RASGEF1C: variants seen among roughly 807,000 people sequenced by gnomAD.
RASGEF1C encodes RasGEF domain family member 1C, also known as ras-GEF domain-containing family member 1C.
RASGEF1C carries 27 observed loss-of-function variants against 58.1 expected under a neutral mutation model. The observed-to-expected ratio is 0.46, with a 90% CI of 0.34 to 0.64. The LOEUF is 0.64. Ranked by LOEUF, RASGEF1C falls within the 30% of genes least tolerant of loss-of-function variation. The pLI is 0.01. For synonymous variants in RASGEF1C, 243 were observed against 246.3 expected (o/e 0.99, Z 0.13); for missense variants, 502 against 605.1 (o/e 0.83, Z 1.79).
intron 1 of RASGEF1C, among the ~76,000 whole-genome samples, chr5:180,201,223 G>C (rs549378813): frequency 6.6e-6 from 1 of 152,318 alleles, no homozygotes; most frequent in South Asian, 2.1e-4. Context: ...GGAGGTGGCT[G>C]TCTCAGGAAG....
chr5:180,173,307 C>G (rs1330673046), intron 1 of RASGEF1C, among the ~76,000 whole-genome samples: 1 of 152,178 alleles, frequency 6.6e-6, no homozygotes, highest in Non-Finnish European at 1.5e-5. Context: ...GGGATGCCAC[C>G]ACCTCACTGT....
intron 1 of RASGEF1C, among the ~76,000 whole-genome samples, chr5:180,191,610 C>T (rs928590868): frequency 1.3e-5 from 2 of 152,210 alleles, no homozygotes; most frequent in Non-Finnish European, 2.9e-5. Context: ...CCCGCCTCAG[C>T]CTCCCAAAGT....
intron 1 of RASGEF1C, among the ~76,000 whole-genome samples, chr5:180,142,600 G>A (rs1403752463): frequency 1.2e-4 from 18 of 152,158 alleles, no homozygotes; most frequent in South Asian, 2.1e-4. Context: ...GTGCACAGAC[G>A]CACTGGCGGA....
chr5:180,118,269 C>T (rs974624902), intron 10 of RASGEF1C, among the ~76,000 whole-genome samples: 50 of 152,106 alleles, frequency 3.3e-4, no homozygotes, highest in South Asian at 2.1e-4. Context: ...GGTCTGGGGC[C>T]GCTGACTCCG....
At chr5:180,141,587 T>C (rs563497604) in intron 1 of RASGEF1C, among the ~76,000 whole-genome samples, 2 of 152,188 alleles carry the variant, frequency 1.3e-5, no homozygotes, top group African/African-American at 2.4e-5. Context: ...GTGTCACTTG[T>C]GAAGAAGAAA....
chr5:180,145,344 C>T (rs927131073), intron 1 of RASGEF1C, among the ~76,000 whole-genome samples: 6 of 152,296 alleles, frequency 3.9e-5, no homozygotes, highest in Admixed American at 3.9e-4. Context: ...TGGTCTTAAA[C>T]TCCTGACCTT....
chr5:180,106,311 C>T (rs556139629), intron 12 of RASGEF1C, among the ~76,000 whole-genome samples: 1 of 152,144 alleles, frequency 6.6e-6, no homozygotes, highest in African/African-American at 2.4e-5. Flanking sequence ...CTCTTATTTC[C>T]ATCCTGCTGC....
chr5:180,124,434 A>G (rs1366233873), intron 6 of RASGEF1C, among the ~76,000 whole-genome samples: 1 of 152,192 alleles, frequency 6.6e-6, no homozygotes, highest in Non-Finnish European at 1.5e-5. Context: ...GAAATCCTAA[A>G]ACATTAGCAA....
At chr5:180,116,499 T>A (rs147243597) in intron 10 of RASGEF1C, among the ~76,000 whole-genome samples, 2 of 152,108 alleles carry the variant, frequency 1.3e-5, no homozygotes, top group East Asian at 3.9e-4. Flanking sequence ...GCAGCTTTTG[T>A]GGGCCTAGCC....
At chr5:180,204,413 C>G (rs975493440) in intron 1 of RASGEF1C, among the ~76,000 whole-genome samples, 1 of 152,120 alleles carries the variant, frequency 6.6e-6, no homozygotes, top group Non-Finnish European at 1.5e-5. Context: ...CAAAGATGGC[C>G]TAGTGTTAAT....
chr5:180,128,368 C>T (rs1766299869), intron 5 of RASGEF1C, 42 bp downstream of exon 5: 1 of 1,558,422 alleles, frequency 6.4e-7, no homozygotes. Context: ...TGTGTGTGTC[C>T]TGCTGAATCC....
Position 180,113,227 on chromosome 5 carries a change from A to ATC in RASGEF1C, c.1179+1218_1179+1219insGA, listed in dbSNP as rs1318879865. Among the ~76,000 whole-genome samples, 22 of 79,328 alleles carry ATC rather than the reference A, an allele frequency of 2.8e-4. 3 individuals are homozygous for ATC. Among genetic ancestry groups the ATC allele is most frequent in the Non-Finnish European group, 3.5e-4 (13 of 36,620 alleles). The allele number at this position is 79,328 out of a possible 152,430, so 52.0% of individuals were successfully genotyped here. A position where few individuals can be genotyped will look rare whatever the true frequency, so the allele number is the denominator to read the frequency against. ...AGAGGGACCGGGGATGGACGGAGGG[A>ATC]CAGGGGATGGACGGAGGGACCGAGG... is the stretch of plus-strand genomic sequence containing the variant. On this transcript the variant is annotated intron_variant, in intron 11 of 13. Transcript: ENST00000361132.
rs571172119 is a variant in RASGEF1C, at chr5:180,193,308, G to C, written c.-7+15720C>G. 2.6e-3 allele frequency among the ~76,000 whole-genome samples: 399 copies of C among 151,724 alleles called. 2 individuals are homozygous for C. The highest frequency in any genetic ancestry group is 4.1e-3 in the Non-Finnish European group (281 of 67,904). On this transcript the variant is annotated intron_variant, in intron 1 of 13. Coordinates refer to ENST00000361132, the MANE Select transcript of RASGEF1C (RefSeq NM_175062.4). ...CTGACCTCGTGATCCGCCTGCCTCG[G>C]CCTCCCAAAGTGCTGGGATTACAGG...
chr5:180,120,282 C>T (rs372967342), intron 7 of RASGEF1C, among the ~76,000 whole-genome samples: 32 of 152,204 alleles, frequency 2.1e-4, no homozygotes, highest in African/African-American at 6.5e-4. Context: ...GGCAGTCCGC[C>T]CTGTGATGGG....
Position 180,156,344 on chromosome 5 carries a change from G to A in RASGEF1C, c.-6-18286C>T, listed in dbSNP as rs183787782. On this transcript the variant is annotated intron_variant, in intron 1 of 13. Coordinates refer to ENST00000361132, the MANE Select transcript of RASGEF1C (RefSeq NM_175062.4). The surrounding 1 kb of genome is among the most constrained non-coding windows in gnomAD (Gnocchi z 4.9). ...TCCCGCTTCTCTGGGAGCTGACAAGGCCCCTCCGGGGGAAGTCGTGAGCAG... is the reference window on the plus strand; with the variant it reads ...TCCCGCTTCTCTGGGAGCTGACAAGACCCCTCCGGGGGAAGTCGTGAGCAG... Among the ~76,000 whole-genome samples the A allele has an allele frequency of 4.3e-3, 656 of 152,314 alleles. 3 individuals are homozygous for A. The highest frequency in any genetic ancestry group is 0.014 in the Middle Eastern group (4 of 294).
chr5:180,204,543 C>G (rs1426978164), intron 1 of RASGEF1C, among the ~76,000 whole-genome samples: 1 of 151,884 alleles, frequency 6.6e-6, no homozygotes, highest in Non-Finnish European at 1.5e-5. Flanking sequence ...TATCTACATA[C>G]ATGGCTCTAA....
intron 1 of RASGEF1C, among the ~76,000 whole-genome samples, chr5:180,189,449 G>A (rs1166503676): frequency 6.6e-6 from 1 of 152,212 alleles, no homozygotes; most frequent in Non-Finnish European, 1.5e-5. Context: ...CAAAGTTGAA[G>A]GGCTTATGCT....
intron 1 of RASGEF1C, chr5:180,138,486 G>C: frequency 6.4e-6 from 1 of 156,980 alleles, no homozygotes; most frequent in Non-Finnish European, 1.4e-5. Flanking sequence ...GAACTTATGT[G>C]GCACTTGGAG....
At chr5:180,148,053 T>G (rs563420422) in intron 1 of RASGEF1C, among the ~76,000 whole-genome samples, 31 of 152,224 alleles carry the variant, frequency 2.0e-4, no homozygotes, top group Non-Finnish European at 4.4e-4. Context: ...TGTTTATAAT[T>G]GTTAAGTCTT....
Sources: gnomAD v4.1 joint callset for allele counts (sites outside exome capture counted in the v4.1 genomes callset) on GRCh38, gnomAD v4.1.1 for gene constraint, Gnocchi (gnomAD v3.1) non-coding constraint, MANE v1.5 for transcripts, NCBI Gene and HGNC (gene_info 2026-07-23, HGNC 2026-07-21) for gene names.